PTPRD: variants seen among roughly 807,000 people sequenced by gnomAD.
PTPRD encodes the protein receptor-type tyrosine-protein phosphatase delta.
PTPRD carries 34 observed loss-of-function variants against 214.5 expected under a neutral mutation model. That is an observed-to-expected ratio of 0.16 (90% CI 0.12 to 0.21). The LOEUF (loss-of-function observed/expected upper bound fraction) is 0.21, where lower values mean the gene tolerates loss of function less well. Ranked by LOEUF, PTPRD falls within the 10% of genes least tolerant of loss-of-function variation. PTPRD has a pLI of 1.00. For missense variants in PTPRD, 2,545 were observed against 2,398.7 expected (o/e 1.06, Z -1.27); for synonymous variants, 1,128 against 845.7 (o/e 1.33, Z -5.79).
intron 11 of PTPRD, among the ~76,000 whole-genome samples, chr9:8,816,784 G>A (rs1393591935): frequency 6.6e-6 from 1 of 152,160 alleles, no homozygotes; most frequent in Non-Finnish European, 1.5e-5. Flanking sequence ...GCCTCTTGAA[G>A]TCTCTTCTTT....
rs538150143 is a variant in PTPRD at position 9,653,114 on chromosome 9, G to A, written c.-286-78333C>T. On this transcript the variant is annotated intron_variant, in intron 7 of 45. Coordinates refer to ENST00000381196, the MANE Select transcript of PTPRD (RefSeq NM_002839.4). ...TCCCAGCACTTTGGGAGGCCGAGGC[G>A]GGTGGATCATGAGGTCAGGAGATCG... is the stretch of plus-strand genomic sequence containing the variant. 3.3e-4 allele frequency among the ~76,000 whole-genome samples: 49 copies of A among 148,144 alleles called. No homozygotes were observed. In the East Asian group the frequency reaches 8.0e-3, roughly 24 times the overall value.
At chr9:9,509,380 C>A (rs1469443034) in intron 8 of PTPRD, among the ~76,000 whole-genome samples, 1 of 151,328 alleles carries the variant, frequency 6.6e-6, no homozygotes, top group South Asian at 2.1e-4. Flanking sequence ...AATCTGAATT[C>A]CTTTCTCAGG....
intron 4 of PTPRD, among the ~76,000 whole-genome samples, chr9:10,012,010 C>G (rs996337005): frequency 9.9e-5 from 15 of 151,822 alleles, no homozygotes; most frequent in African/African-American, 3.6e-4. Context: ...CACATTAAAT[C>G]CTTCTTTTTC....
rs541778500 is a variant in PTPRD, at chr9:8,871,726, G to T, written c.-103-137780C>A. Among the ~76,000 whole-genome samples, 8 of 152,186 alleles carry T rather than the reference G, an allele frequency of 5.3e-5. No individual in the cohort carries two copies. The South Asian group carries it at 1.5e-3, about 28-fold the overall frequency. ...CTTTACCAATGAGAAAGACTCCAAC[G>T]TGTAGGCAAAAGACAAAATTTATGA... On this transcript the variant is annotated intron_variant, in intron 11 of 45. Transcript: ENST00000381196.
intron 11 of PTPRD, among the ~76,000 whole-genome samples, chr9:8,910,505 G>T (rs1455412962): frequency 6.6e-6 from 1 of 152,054 alleles, no homozygotes; most frequent in Non-Finnish European, 1.5e-5. Flanking sequence ...TTACAAGAGA[G>T]GAAGAGAGAC....
chr9:8,445,990 T>G (rs183231530), intron 34 of PTPRD, among the ~76,000 whole-genome samples: 7 of 152,302 alleles, frequency 4.6e-5, no homozygotes, highest in Admixed American at 2.0e-4. Flanking sequence ...GCTACTTCTT[T>G]GGAAGGCTCT....
rs2096595777 is a variant in PTPRD, at chr9:10,323,701, A to G, written c.-545+17262T>C. Among the ~76,000 whole-genome samples, 3 of 151,938 alleles carry G rather than the reference A, an allele frequency of 2.0e-5. No individual in the cohort carries two copies. In the South Asian group the frequency reaches 6.2e-4, roughly 31 times the overall value. On this transcript the variant is annotated intron_variant, in intron 3 of 45. Transcript: ENST00000381196. The stretch of plus-strand genomic sequence containing the variant: ...GTCATCTGTTTAATATGCAGTTGCT[A>G]TTTAGTTCTAATCTTAAACTTTGTC...
intron 5 of PTPRD, among the ~76,000 whole-genome samples, chr9:9,781,887 A>G (rs950201243): frequency 1.2e-4 from 18 of 150,682 alleles, no homozygotes; most frequent in Admixed American, 2.7e-4. Flanking sequence ...CCGCCTCCCG[A>G]GTTCACGCCA....
intron 7 of PTPRD, among the ~76,000 whole-genome samples, chr9:9,704,468 G>A (rs1416547354): frequency 1.3e-5 from 2 of 152,134 alleles, no homozygotes; most frequent in Non-Finnish European, 2.9e-5. Context: ...CCCATGTATG[G>A]TGGTTGAAAG....
At chr9:10,327,163 A>AG (rs2096658349) in intron 3 of PTPRD, among the ~76,000 whole-genome samples, 1 of 90,648 alleles carries the variant, frequency 1.1e-5, no homozygotes, top group African/African-American at 4.7e-5. Flanking sequence ...GTGCACATAT[A>AG]TGTGTGTGTA....
intron 9 of PTPRD, among the ~76,000 whole-genome samples, chr9:9,197,403 G>T (rs917180802): frequency 1.3e-5 from 2 of 152,122 alleles, no homozygotes; most frequent in Non-Finnish European, 2.9e-5. Context: ...CCTGTCATCT[G>T]TGTTGTCTCC....
chr9:10,394,359 A>G (rs2098130203), intron 2 of PTPRD, among the ~76,000 whole-genome samples: 1 of 151,378 alleles, frequency 6.6e-6, no homozygotes, highest in East Asian at 2.0e-4. Context: ...GGTTTCAACA[A>G]CTGGATCAAG....
chr9:9,297,344 T>C (rs1320091535), intron 9 of PTPRD, among the ~76,000 whole-genome samples: 1 of 151,580 alleles, frequency 6.6e-6, no homozygotes, highest in Non-Finnish European at 1.5e-5. Flanking sequence ...CTTGCAAACA[T>C]AATGAAGTAG....
chr9:9,171,887 T>C (rs1217092802), intron 10 of PTPRD, among the ~76,000 whole-genome samples: 6 of 152,072 alleles, frequency 3.9e-5, no homozygotes, highest in Admixed American at 3.9e-4. Flanking sequence ...AAAAATAAGG[T>C]TAAAATTTGG....
At chr9:9,716,040 C>T (rs1052325606) in intron 7 of PTPRD, among the ~76,000 whole-genome samples, 8 of 148,314 alleles carry the variant, frequency 5.4e-5, no homozygotes, top group South Asian at 2.1e-4. Flanking sequence ...AGTGTGATGT[C>T]CCCCTTCCTG....
intron 7 of PTPRD, among the ~76,000 whole-genome samples, chr9:9,634,562 T>C (rs1239632701): frequency 6.6e-6 from 1 of 152,164 alleles, no homozygotes; most frequent in South Asian, 2.1e-4. Flanking sequence ...AGGAAATAAA[T>C]GCTTGATCAT....
In PTPRD at chr9:10,090,917, T is replaced by TACACACACAC. The variant is rs747128757; in HGVS notation, c.-544-57128_-544-57127insGTGTGTGTGT. Among the ~76,000 whole-genome samples, 107 of 53,002 alleles carry TACACACACAC rather than the reference T, an allele frequency of 2.0e-3. 2 individuals carry two copies. The highest frequency in any genetic ancestry group is 6.2e-3 in the Middle Eastern group (1 of 162). The allele number at this position is 53,002 out of a possible 152,430, so 34.8% of individuals were successfully genotyped here. ...AGGACATTTGTGTATATAAATGAAA[T>TACACACACAC]ATACACACACACACACACACACACA... On this transcript the variant is annotated intron_variant, in intron 3 of 45. Transcript: ENST00000381196.
At chr9:9,076,860 T>G (rs561565415) in intron 10 of PTPRD, among the ~76,000 whole-genome samples, 1 of 151,844 alleles carries the variant, frequency 6.6e-6, no homozygotes, top group African/African-American at 2.4e-5. Flanking sequence ...CTATTTTTAG[T>G]TTTTTGAGGA....
rs75062676 is a variant in PTPRD at position 8,925,635 on chromosome 9, G to T, written c.-104+93062C>A. On this transcript the variant is annotated intron_variant, in intron 11 of 45. Transcript: ENST00000381196. ...TACCTCTGCATGGAGATCCTCAAAA[G>T]ACTACATCAACGTGATATAAATAGT... 6.7e-3 allele frequency among the ~76,000 whole-genome samples: 741 copies of T among 111,400 alleles called. 7 individuals carry two copies. Among genetic ancestry groups the T allele is most frequent in the African/African-American group, 0.025 (715 of 28,216 alleles). 73.1% of individuals were successfully genotyped at this position (111,400 alleles called of 152,430 possible). A position where few individuals can be genotyped will look rare whatever the true frequency, so the allele number is the denominator to read the frequency against.
Sources: gnomAD v4.1 joint callset for allele counts (sites outside exome capture counted in the v4.1 genomes callset) on GRCh38, gnomAD v4.1.1 for gene constraint, MANE v1.5 for transcripts, NCBI Gene and HGNC (gene_info 2026-07-23, HGNC 2026-07-21) for gene names.